LTN1: variants seen among roughly 807,000 people sequenced by gnomAD.
LTN1 encodes E3 ubiquitin-protein ligase listerin.
Under a neutral mutation model 201.2 loss-of-function variants are expected in LTN1, and 88 were observed. The ratio of observed to expected loss-of-function variants is 0.44; its 90% CI spans 0.37 to 0.52. The LOEUF is 0.52. Ranked by LOEUF, LTN1 falls within the 20% of genes least tolerant of loss-of-function variation. LTN1 has a pLI of 0.00. For missense variants in LTN1, 1,752 were observed against 2,038.7 expected (o/e 0.86, Z 2.71); for synonymous variants, 645 against 713.5 (o/e 0.90, Z 1.53).
At position 28,958,419 on chromosome 21, in the gene LTN1, T is replaced by G. The variant is rs897808960; in HGVS notation, c.2714A>C (p.Asn905Thr). 36 of 1,606,312 alleles carry G rather than the reference T, an allele frequency of 2.2e-5. No homozygotes were observed. The highest frequency in any genetic ancestry group is 3.0e-5 in the Non-Finnish European group (35 of 1,177,864). The change falls in exon 14 of 30, where the codon AAC (asparagine) becomes ACC (threonine). Residue 905 changes from asparagine (N) to threonine (T), a missense_variant. Coordinates refer to ENST00000361371, the MANE Select transcript of LTN1 (RefSeq NM_015565.3). ...FLHLSALWLK[N>T]QVQASSLDIN... ...ATCCAAAGATGAAGCCTGAACTTGG[T>G]TCTTCAGCCACAGAGCAGACAAATG...
At chr21:28,953,105 G>T in intron 17 of LTN1, 112 bp downstream of exon 17, 1 of 634,406 alleles carries the variant, frequency 1.6e-6, no homozygotes, top group Non-Finnish European at 2.6e-6. Context: ...GAATTATTTA[G>T]ATCAATCCTC....
At position 28,929,893 on chromosome 21, in the gene LTN1, G is replaced by C. The variant is rs546574969; in HGVS notation, c.*555C>G. The C allele has an allele frequency of 1.3e-5, 2 of 152,214 alleles. No individual in the cohort carries two copies. The highest frequency in any genetic ancestry group is 2.9e-5 in the Non-Finnish European group (2 of 67,982). 9.4% of individuals were successfully genotyped at this position (152,214 alleles called of 1,614,324 possible). On this transcript the variant is annotated 3_prime_UTR_variant, in exon 30 of 30. Coordinates refer to ENST00000361371, the MANE Select transcript of LTN1 (RefSeq NM_015565.3). ...TTAAACTCTTTTATATAGGATTTCA[G>C]AGCATGCCTCCAGATATCTTAAGAC...
intron 17 of LTN1, 44 bp downstream of exon 17, chr21:28,953,173 A>C: frequency 1.4e-6 from 2 of 1,452,274 alleles, no homozygotes; most frequent in South Asian, 2.9e-5. Flanking sequence ...AGCCATAAAG[A>C]AGTAGCATAG....
chr21:28,985,017 T>C, intron 3 of LTN1, 95 bp from the exon 4 acceptor site: 5 of 783,708 alleles, frequency 6.4e-6, no homozygotes, highest in Non-Finnish European at 1.0e-5. Flanking sequence ...TTACCAAGAA[T>C]TCACCTATGT....
chr21:28,987,449 G>A (rs2084706877), intron 1 of LTN1, among the ~76,000 whole-genome samples: 1 of 152,108 alleles, frequency 6.6e-6, no homozygotes, highest in Admixed American at 6.6e-5. Flanking sequence ...CAATGGCCCA[G>A]GTCTAATGAT....
chr21:28,987,944 C>T (rs1242533624), intron 1 of LTN1, among the ~76,000 whole-genome samples: 1 of 151,222 alleles, frequency 6.6e-6, no homozygotes, highest in Non-Finnish European at 1.5e-5. Context: ...GAGTTCGAGA[C>T]CAGCCTGGCC....
chr21:28,965,450 T>A (rs962973179), intron 11 of LTN1, among the ~76,000 whole-genome samples: 1 of 152,178 alleles, frequency 6.6e-6, no homozygotes, highest in South Asian at 2.1e-4. Flanking sequence ...TTTACCTACA[T>A]AGTGTTCCAG....
chr21:28,942,835 T>C (rs2084307605), intron 24 of LTN1, among the ~76,000 whole-genome samples: 1 of 152,232 alleles, frequency 6.6e-6, no homozygotes. Flanking sequence ...TCCTTTTTCT[T>C]AGCACTTATC....
At position 28,969,447 on chromosome 21, in the gene LTN1, A is replaced by T. The variant is rs769441157; in HGVS notation, c.1311+19T>A. On this transcript the variant is annotated intron_variant, in intron 9 of 29. Transcript: ENST00000361371. ...TAATCAGTATGCAAAGAGACTGACGACTTTTACATTATAGATACCTGATCA... is the reference window on the plus strand; with the variant it reads ...TAATCAGTATGCAAAGAGACTGACGTCTTTTACATTATAGATACCTGATCA... 1 of 1,597,814 alleles carries T rather than the reference A, an allele frequency of 6.3e-7. No homozygotes were observed. The highest frequency in any genetic ancestry group is 8.5e-7 in the Non-Finnish European group (1 of 1,174,484).
In LTN1 at chr21:28,986,037, T is replaced by C. The variant is rs930492860; in HGVS notation, c.345+102A>G. 4.9e-5 allele frequency: 33 copies of C among 676,924 alleles called. 1 individual carries two copies. Among genetic ancestry groups the C allele is most frequent in the Non-Finnish European group, 8.0e-6 (3 of 374,208 alleles). 41.9% of individuals were successfully genotyped at this position (676,924 alleles called of 1,614,324 possible). Reference sequence around the variant, plus strand: ...TGCATAACAATGCTGACATAACATTTAATAACCCTCACCAAAAATCAACAT... The same window carrying C: ...TGCATAACAATGCTGACATAACATTCAATAACCCTCACCAAAAATCAACAT... On this transcript the variant is annotated intron_variant, in intron 3 of 29. Coordinates refer to ENST00000361371, the MANE Select transcript of LTN1 (RefSeq NM_015565.3). The surrounding 1 kb of genome is among the most constrained non-coding windows in gnomAD (Gnocchi z 4.1).
chr21:28,956,138 G>T (rs1048792499), intron 16 of LTN1, among the ~76,000 whole-genome samples: 3 of 152,154 alleles, frequency 2.0e-5, no homozygotes, highest in East Asian at 1.9e-4. Context: ...GAGAGCAGGG[G>T]ATGAAGAGAG....
chr21:28,964,501 A>G (rs563419600), intron 11 of LTN1: 7 of 1,366,682 alleles, frequency 5.1e-6, no homozygotes, highest in Admixed American at 2.7e-5. Flanking sequence ...TAGTGTACAC[A>G]TAACTTTTAT....
chr21:28,988,153 A>AC (rs1223986828), intron 1 of LTN1, among the ~76,000 whole-genome samples: 4 of 142,558 alleles, frequency 2.8e-5, no homozygotes, highest in African/African-American at 5.2e-5. Context: ...AAAAAAAAAA[A>AC]AAACAACAAA....
intron 24 of LTN1, among the ~76,000 whole-genome samples, chr21:28,941,732 A>C (rs2084299247): frequency 6.6e-6 from 1 of 152,326 alleles, no homozygotes; most frequent in East Asian, 1.9e-4. Context: ...GGGATTCTAA[A>C]TCCTACCCGG....
At chr21:28,963,521 G>C (rs2084496897) in intron 11 of LTN1, among the ~76,000 whole-genome samples, 1 of 152,174 alleles carries the variant, frequency 6.6e-6, no homozygotes, top group Non-Finnish European at 1.5e-5. Context: ...ACAATAAGTA[G>C]AAATATTACT....
At chr21:28,977,377 A>G (rs1478015025) in intron 6 of LTN1, among the ~76,000 whole-genome samples, 2 of 150,358 alleles carry the variant, frequency 1.3e-5, no homozygotes, top group Admixed American at 1.3e-4. Context: ...CCATCTCAAA[A>G]AAAAAAAAAA....
chr21:28,975,181 G>C (rs2084605296), intron 6 of LTN1, among the ~76,000 whole-genome samples: 1 of 152,022 alleles, frequency 6.6e-6, no homozygotes, highest in African/African-American at 2.4e-5. Context: ...ATTTTAAAAA[G>C]CTATTAAAAC....
intron 26 of LTN1, 32 bp downstream of exon 26, chr21:28,936,494 C>T (rs748408742): frequency 1.3e-6 from 2 of 1,553,358 alleles, no homozygotes; most frequent in Admixed American, 1.8e-5. Flanking sequence ...ATCTAGTGTC[C>T]AAGAAAGAAC....
rs2084456492 is a variant in LTN1, at chr21:28,959,503, G to C, written c.2548C>G (p.Leu850Val). ...MPSSEDLLLT[L>V]FQLCAQSKEK... is the part of the protein sequence containing the mutation. ...TTGCTCTGAGCACATAACTGAAAGA[G>C]AGTTAATAATAAATCTTCAGATGAT... The change falls in exon 13 of 30, where the codon CTC becomes GTC. Residue 850 changes from leucine to valine, a missense_variant. Physicochemically the swap from Leu to Val is conservative, Grantham distance 32 (BLOSUM62 1). This residue lies in a region of LTN1 where 1,211 missense variants were observed against 1,312.8 expected (regional missense o/e 0.92). Transcript: ENST00000361371. 6.2e-7 allele frequency: 1 copy of C among 1,613,866 alleles called. No homozygotes were observed. Among genetic ancestry groups the C allele is most frequent in the Admixed American group, 1.7e-5 (1 of 59,992 alleles).
Sources: allele counts gnomAD v4.1 joint callset (sites outside exome capture counted in the v4.1 genomes callset), GRCh38; gene constraint gnomAD v4.1.1; regional missense constraint gnomAD v4.1.1; non-coding constraint Gnocchi (gnomAD v3.1); transcripts MANE v1.5; gene names NCBI Gene and HGNC (gene_info 2026-07-23, HGNC 2026-07-21).